Variants in BIRC6 observed in about 807,000 individuals in gnomAD.
The protein encoded by BIRC6 is baculoviral IAP repeat containing 6, also known as dual E2 ubiquitin-conjugating enzyme/E3 ubiquitin-protein ligase BIRC6.
In BIRC6, 98 loss-of-function variants were observed where a neutral mutation model predicts 503.3. The observed-to-expected ratio is 0.19, with a 90% CI of 0.17 to 0.23. BIRC6 has a LOEUF of 0.23. Among genes scored for constraint, BIRC6 ranks in the 10% least tolerant of loss-of-function variants. The pLI is 1.00. For missense variants in BIRC6, 5,360 were observed against 5,806.0 expected, an observed-to-expected ratio of 0.92 and a Z score of 2.50; for synonymous variants, 2,240 against 2,078.7, an observed-to-expected ratio of 1.08 and a Z score of -2.11.
intron 12 of BIRC6, among the ~76,000 whole-genome samples, 174 bp downstream of exon 12, chr2:32,431,264 C>T (rs566407967): frequency 8.2e-5 from 10 of 122,554 alleles, no homozygotes; most frequent in East Asian, 8.1e-4. Flanking sequence ...GGCGCAATCT[C>T]GGCTCACTGC....
chr2:32,475,157 C>CT (rs1329740833), intron 33 of BIRC6, among the ~76,000 whole-genome samples: 2 of 55,702 alleles, frequency 3.6e-5, no homozygotes, highest in African/African-American at 1.9e-4. Flanking sequence ...GCAAGACTAT[C>CT]TTAAAAAAAA....
intron 45 of BIRC6, among the ~76,000 whole-genome samples, chr2:32,498,785 C>T (rs1204250452): frequency 2.0e-5 from 3 of 152,134 alleles, no homozygotes; most frequent in African/African-American, 7.2e-5. Context: ...GGGGTTTCGC[C>T]ATGTTGGCCA....
chr2:32,468,016 T>C lies in BIRC6; in HGVS notation c.5685T>C (p.His1895=), dbSNP rs762146349. 7 of 1,613,886 alleles carry C rather than the reference T, an allele frequency of 4.3e-6. 1 individual carries two copies. The South Asian group carries it at 6.6e-5, about 15-fold the overall frequency. ...LPWESELKLM[H]DPLKGEGESA... ...GGGAAAGTGAACTGAAGTTAATGCA[T>C]GATCCTCTAAAGGGAGAGGGAGAAT... Residue 1895 remains histidine (H), a synonymous_variant, in exon 28 of 74, where the codon CAT becomes CAC. Transcript: ENST00000421745.
At chr2:32,460,270 ATATTTTTTT>A (rs1244863369) in intron 23 of BIRC6, among the ~76,000 whole-genome samples, 34 of 24,192 alleles carry the variant, frequency 1.4e-3, no homozygotes, top group South Asian at 0.011. Flanking sequence ...ATATATATAT[ATATTTTTTT>A]TTTTTTTTTT....
chr2:32,423,993 A>G (rs1341736240), intron 10 of BIRC6, among the ~76,000 whole-genome samples: 1 of 152,176 alleles, frequency 6.6e-6, no homozygotes, highest in Non-Finnish European at 1.5e-5. Context: ...AAGTTCAAGA[A>G]TGGTAATGCT....
In BIRC6 at chr2:32,471,081, A is replaced by G; in HGVS notation, c.6549A>G (p.Ala2183=). The G allele has an allele frequency of 6.3e-7, 1 of 1,582,792 alleles. No individual in the cohort carries two copies. The highest frequency in any genetic ancestry group is 2.3e-5 in the East Asian group (1 of 44,072). The stretch of plus-strand genomic sequence containing the variant: ...TGTCCAGGTTGCTGGATTATGTGGC[A>G]ACTGTTGAAGATGAAGCAGCAGCTG... ...MLVSRLLDYV[A]TVEDEAAAAK... The change falls in exon 32 of 74, where the codon GCA becomes GCG. Residue 2183 remains alanine, a synonymous_variant. Coordinates refer to ENST00000421745, the MANE Select transcript of BIRC6 (RefSeq NM_016252.4).
In BIRC6 at chr2:32,476,439, C is replaced by T. The variant is rs553443222; in HGVS notation, c.6852+95C>T. 24 of 1,319,352 alleles carry T rather than the reference C, an allele frequency of 1.8e-5. 1 individual carries two copies. The South Asian group carries it at 3.9e-4, about 21-fold the overall frequency. The allele number at this position is 1,319,352 out of a possible 1,614,324, so 81.7% of individuals were successfully genotyped here. A position where few individuals can be genotyped will look rare whatever the true frequency, so the allele number is the denominator to read the frequency against. On this transcript the variant is annotated intron_variant, in intron 34 of 73. Transcript: ENST00000421745. ...AGAAACTTAAATATACATTACTCTG[C>T]TTAACAGAGAAGCCAACCTACTCTG...
At position 32,433,756 on chromosome 2, in the gene BIRC6, C is replaced by G. The variant is rs771863643; in HGVS notation, c.3361C>G (p.Gln1121Glu). 1.1e-5 allele frequency: 17 copies of G among 1,595,458 alleles called. No individual in the cohort carries two copies. Among genetic ancestry groups the G allele is most frequent in the Non-Finnish European group, 1.5e-5 (17 of 1,166,798 alleles). Residue 1121 changes from glutamine to glutamate, a missense_variant, in exon 13 of 74, where the codon CAA becomes GAA. This residue lies in a region of BIRC6 where 2,299 missense variants were observed against 2,267.2 expected (regional missense o/e 1.01). Coordinates refer to ENST00000421745, the MANE Select transcript of BIRC6 (RefSeq NM_016252.4). ...AAACATCACCAATATTCCACAGATACAAGTGACACTGCTGAAAAATAAAGC... is the reference window on the plus strand; with the variant it reads ...AAACATCACCAATATTCCACAGATAGAAGTGACACTGCTGAAAAATAAAGC... ...NSNITNIPQI[Q>E]VTLLKNKAPG...
chr2:32,481,061 G>T (rs889122280), intron 37 of BIRC6, among the ~76,000 whole-genome samples: 1 of 152,084 alleles, frequency 6.6e-6, no homozygotes, highest in South Asian at 2.1e-4. Context: ...AGTAATGTTG[G>T]TAATTATTTT....
intron 20 of BIRC6, among the ~76,000 whole-genome samples, chr2:32,444,818 G>A (rs1476542006): frequency 6.6e-6 from 1 of 152,144 alleles, no homozygotes; most frequent in East Asian, 1.9e-4. Flanking sequence ...TAGGTAAAGC[G>A]TGTTTATATT....
At chr2:32,412,476 G>A (rs886907963) in intron 9 of BIRC6, among the ~76,000 whole-genome samples, 1 of 151,628 alleles carries the variant, frequency 6.6e-6, no homozygotes. Flanking sequence ...CCGCCTGGGT[G>A]GCAATAGTGA....
chr2:32,537,721 C>A (rs1339356046), intron 61 of BIRC6, among the ~76,000 whole-genome samples: 1 of 152,182 alleles, frequency 6.6e-6, no homozygotes, highest in Admixed American at 6.5e-5. Context: ...AATCCCAGCA[C>A]TTTGGGAGGC....
Position 32,377,780 on chromosome 2 carries a change from A to G in BIRC6, c.507+11A>G, listed in dbSNP as rs374819192. On this transcript the variant is annotated intron_variant, in intron 2 of 73. Transcript: ENST00000421745. ...TTACCCGTTACAGAGGTAAGTTGAA[A>G]TAAGTATCAATGTGGTCCTCTACTT... is the stretch of plus-strand genomic sequence containing the variant. 4 of 1,603,928 alleles carry G rather than the reference A, an allele frequency of 2.5e-6. No homozygotes were observed. The highest frequency in any genetic ancestry group is 1.7e-5 in the Admixed American group (1 of 58,580).
intron 57 of BIRC6, among the ~76,000 whole-genome samples, chr2:32,521,284 T>TC (rs1319529207): frequency 6.7e-6 from 1 of 149,784 alleles, no homozygotes; most frequent in African/African-American, 2.5e-5. Flanking sequence ...TTCTTTTTTT[T>TC]TGTTTGAGAT....
chr2:32,582,788 G>C (rs1466944448), intron 66 of BIRC6, among the ~76,000 whole-genome samples: 3 of 151,974 alleles, frequency 2.0e-5, no homozygotes, highest in Non-Finnish European at 4.4e-5. Context: ...AAAAAAACTA[G>C]AATGACTGCT....
chr2:32,397,814 T>G (rs150341173), intron 6 of BIRC6, among the ~76,000 whole-genome samples: 1 of 152,242 alleles, frequency 6.6e-6, no homozygotes, highest in East Asian at 1.9e-4. Context: ...TATCAAATAT[T>G]ATTTTCTTTG....
rs1170479403 is a variant in BIRC6 at position 32,599,745 on chromosome 2, A to G, written c.13837A>G (p.Ile4613Val). Reference sequence around the variant, plus strand: ...TATGTTTATATATATCCAGGTTCTAATAACTGGTCCAGCGGACACCCCTTA... The same window carrying G: ...TATGTTTATATATATCCAGGTTCTAGTAACTGGTCCAGCGGACACCCCTTA... ...EERLDIMKVL[I>V]TGPADTPYAN... The change falls in exon 70 of 74, where the codon ATA becomes GTA. Residue 4613 changes from isoleucine to valine, a missense_variant. Transcript: ENST00000421745. The G allele has an allele frequency of 6.2e-7, 1 of 1,613,192 alleles. No homozygotes were observed. Among genetic ancestry groups the G allele is most frequent in the Non-Finnish European group, 8.5e-7 (1 of 1,179,330 alleles).
At chr2:32,380,038 A>G (rs1013603358) in intron 2 of BIRC6, 115 bp from the exon 3 acceptor site, 6 of 673,068 alleles carry the variant, frequency 8.9e-6, no homozygotes, top group Admixed American at 3.5e-5. Context: ...AGTTTAGTAT[A>G]GTACCTGTCA....
At chr2:32,423,424 A>T (rs965170473) in intron 10 of BIRC6, among the ~76,000 whole-genome samples, 3 of 152,178 alleles carry the variant, frequency 2.0e-5, no homozygotes, top group African/African-American at 7.2e-5. Context: ...CCATCATCCT[A>T]AACAAAAACT....
Sources: gnomAD v4.1 joint callset for allele counts (sites outside exome capture counted in the v4.1 genomes callset) on GRCh38, gnomAD v4.1.1 for gene constraint, gnomAD v4.1.1 regional missense constraint, MANE v1.5 for transcripts, NCBI Gene and HGNC (gene_info 2026-07-23, HGNC 2026-07-21) for gene names.